IGDCC4: variants seen among roughly 807,000 people sequenced by gnomAD.
The protein encoded by IGDCC4 is likely ortholog of mouse neighbor of Punc E11.
A neutral mutation model predicts 116.6 loss-of-function variants in IGDCC4; 72 were observed. That is an observed-to-expected ratio of 0.62 (90% CI 0.51 to 0.75). The LOEUF (loss-of-function observed/expected upper bound fraction) is 0.75. Ranked by LOEUF, IGDCC4 falls within the 30% of genes least tolerant of loss-of-function variation. The pLI, the probability that IGDCC4 is intolerant of heterozygous loss-of-function variation, is 0.00. For synonymous variants in IGDCC4, 709 were observed against 719.9 expected (o/e 0.98, Z 0.24); for missense variants, 1,501 against 1,662.4 (o/e 0.90, Z 1.69).
intron 1 of IGDCC4, among the ~76,000 whole-genome samples, chr15:65,420,217 G>A (rs2063178095): frequency 1.3e-5 from 2 of 152,314 alleles, no homozygotes; most frequent in South Asian, 2.1e-4. Flanking sequence ...AAAGTGCTGG[G>A]ATTACAGGCG....
At chr15:65,391,185 A>G (rs2091510836) in intron 12 of IGDCC4, among the ~76,000 whole-genome samples, 1 of 152,178 alleles carries the variant, frequency 6.6e-6, no homozygotes, top group Non-Finnish European at 1.5e-5. Flanking sequence ...AGCTGAGATC[A>G]TACCATTGCA....
intron 9 of IGDCC4, 62 bp downstream of exon 9, chr15:65,394,349 C>T: frequency 6.2e-7 from 1 of 1,605,068 alleles, no homozygotes; most frequent in Non-Finnish European, 8.5e-7. Flanking sequence ...CTCCAGCAGC[C>T]CTGACAGCTC....
At chr15:65,399,073 A>G (rs151136242) in intron 5 of IGDCC4, among the ~76,000 whole-genome samples, 24 of 152,212 alleles carry the variant, frequency 1.6e-4, no homozygotes, top group African/African-American at 5.8e-4. Context: ...TGTGCACACG[A>G]ATCACAGATT....
chr15:65,405,713 G>C (rs2063035001), intron 3 of IGDCC4, among the ~76,000 whole-genome samples: 1 of 152,226 alleles, frequency 6.6e-6, no homozygotes, highest in African/African-American at 2.4e-5. Context: ...GCTGTGTTCA[G>C]TCAGTAGGTG....
At chr15:65,397,157 T>C (rs1047554408) in intron 5 of IGDCC4, among the ~76,000 whole-genome samples, 168 bp from the exon 6 acceptor site, 1 of 152,166 alleles carries the variant, frequency 6.6e-6, no homozygotes, top group African/African-American at 2.4e-5. Context: ...GCTGTCTCCA[T>C]CTGTAAGGGG....
At position 65,396,879 on chromosome 15, in the gene IGDCC4, G is replaced by A. The variant is rs757274284; in HGVS notation, c.952C>T (p.Arg318Cys). 6.3e-7 allele frequency: 1 copy of A among 1,576,006 alleles called. No homozygotes were observed. The highest frequency in any genetic ancestry group is 8.6e-7 in the Non-Finnish European group (1 of 1,161,016). Residue 318 changes from arginine (R) to cysteine (C), a missense_variant, in exon 6 of 20, where the codon CGC becomes TGC. Physicochemically the swap from Arg to Cys is radical, Grantham distance 180. Coordinates refer to ENST00000352385, the MANE Select transcript of IGDCC4 (RefSeq NM_020962.3). ...GVYVCRANKP[R>C]TRDFATAAAE... The stretch of plus-strand genomic sequence containing the variant: ...GCTGCAGTGGCGAAGTCGCGCGTGC[G>A]GGGCTTGTTGGCGCGGCAGACATAG...
In IGDCC4 at chr15:65,384,062, G is replaced by C. The variant is rs778980312; in HGVS notation, c.3700C>G (p.Pro1234Ala). 6.2e-7 allele frequency: 1 copy of C among 1,613,252 alleles called. No homozygotes were observed. Among genetic ancestry groups the C allele is most frequent in the South Asian group, 1.1e-5 (1 of 90,950 alleles). Residue 1234 changes from proline to alanine, a missense_variant, in exon 20 of 20, where the codon CCT becomes GCT. Pro to Ala is a conservative substitution (Grantham distance 27). Coordinates refer to ENST00000352385, the MANE Select transcript of IGDCC4 (RefSeq NM_020962.3). The surrounding 1 kb of genome is among the most constrained non-coding windows in gnomAD (Gnocchi z 4.9). Reference sequence around the variant, plus strand: ...GGCAGGCCTGGGCTGGCTCCTAGAGGGCAGGGGGATTTGAGCTGGCAGCTA... The same window carrying C: ...GGCAGGCCTGGGCTGGCTCCTAGAGCGCAGGGGGATTTGAGCTGGCAGCTA... The part of the protein sequence containing the change: ...GDSCQLKSPC[P>A]LGASPGLPRS...
chr15:65,400,564 AAGTGGC>A (rs1463969745), intron 5 of IGDCC4, among the ~76,000 whole-genome samples: 1 of 152,204 alleles, frequency 6.6e-6, no homozygotes, highest in Non-Finnish European at 1.5e-5. Context: ...ACCGTTCTGT[AAGTGGC>A]AGCTTGGAAG....
rs1210496142 is a variant in IGDCC4 at position 65,393,593 on chromosome 15, C to A, written c.1715-62G>T. On this transcript the variant is annotated intron_variant, in intron 9 of 19. Coordinates refer to ENST00000352385, the MANE Select transcript of IGDCC4 (RefSeq NM_020962.3). The surrounding 1 kb of genome is among the most constrained non-coding windows in gnomAD (Gnocchi z 4.6). ...CCTGAGGAACAGGATCCTAAACCCC[C>A]CTACATGGCTCTTCCGCCTCACATC... 6.7e-7 allele frequency: 1 copy of A among 1,497,194 alleles called. No individual in the cohort carries two copies. The highest frequency in any genetic ancestry group is 2.0e-5 in the Admixed American group (1 of 50,766). The allele number at this position is 1,497,194 out of a possible 1,614,324, so 92.7% of individuals were successfully genotyped here.
intron 3 of IGDCC4, among the ~76,000 whole-genome samples, chr15:65,407,027 C>T (rs2063046807): frequency 6.6e-6 from 1 of 151,954 alleles, no homozygotes; most frequent in Admixed American, 6.6e-5. Flanking sequence ...TTCTTCAGAC[C>T]TCACAGGTTC....
At chr15:65,421,294 C>T (rs199833040) in intron 1 of IGDCC4, among the ~76,000 whole-genome samples, 6 of 152,302 alleles carry the variant, frequency 3.9e-5, no homozygotes, top group Admixed American at 3.9e-4. Flanking sequence ...GAGCTCGTTC[C>T]AGGAGCCCTA....
intron 1 of IGDCC4, among the ~76,000 whole-genome samples, chr15:65,422,519 A>AACACACACACACACACACACAC (rs140587709): frequency 2.3e-5 from 3 of 131,226 alleles, no homozygotes; most frequent in South Asian, 2.7e-4. Context: ...GAGCACTCCC[A>AACACACACACACACACACACAC]ACACACACAC....
chr15:65,401,065 C>T, intron 4 of IGDCC4, 119 bp from the exon 5 acceptor site: 2 of 1,288,742 alleles, frequency 1.6e-6, no homozygotes, highest in Non-Finnish European at 2.2e-6. Flanking sequence ...ATGATTCCAT[C>T]TGTCAGATGG....
chr15:65,397,832 G>T, intron 5 of IGDCC4, among the ~76,000 whole-genome samples: 1 of 152,242 alleles, frequency 6.6e-6, no homozygotes, highest in East Asian at 1.9e-4. Context: ...GTCCTAGGAA[G>T]ATGATCAGAA....
chr15:65,385,778 C>T, intron 18 of IGDCC4, 53 bp downstream of exon 18: 1 of 1,424,224 alleles, frequency 7.0e-7, no homozygotes, highest in Non-Finnish European at 9.9e-7. Context: ...TGTGCTCTGT[C>T]GCCCCCTGGT....
chr15:65,411,073 G>C lies in IGDCC4; in HGVS notation c.368C>G (p.Ala123Gly), dbSNP rs202180600. The change falls in exon 2 of 20, where the codon GCC becomes GGC. Residue 123 changes from alanine to glycine, a missense_variant. By Grantham distance (60) the Ala-to-Gly change is moderately conservative. Around this residue, in one of 3 missense-constraint regions of IGDCC4, gnomAD observed 898 missense variants for 978.9 expected, o/e 0.92. Coordinates refer to ENST00000352385, the MANE Select transcript of IGDCC4 (RefSeq NM_020962.3). Reference sequence around the variant, plus strand: ...GGCCAGCACTCCGAGGGGGCCGTGGGCTAGGCACGAATAGTTGCCTTCAAT... The same window carrying C: ...GGCCAGCACTCCGAGGGGGCCGTGGCCTAGGCACGAATAGTTGCCTTCAAT... ...GVIEGNYSCL[A>G]HGPLGVLASQ... 6.2e-7 allele frequency: 1 copy of C among 1,614,144 alleles called. No homozygotes were observed. The highest frequency in any genetic ancestry group is 8.5e-7 in the Non-Finnish European group (1 of 1,180,018).
rs548023375 is a variant in IGDCC4, at chr15:65,408,991, A to G, written c.563+1187T>C. On this transcript the variant is annotated intron_variant, in intron 3 of 19. Transcript: ENST00000352385. ...GGGACCACAGGCACCACACTGCCAC[A>G]CTGGGCTAATTTTTGTATTGTTTTA... Among the ~76,000 whole-genome samples, 9 of 151,848 alleles carry G rather than the reference A, an allele frequency of 5.9e-5. No homozygotes were observed. In the East Asian group the frequency reaches 1.8e-3, roughly 30 times the overall value.
intron 1 of IGDCC4, among the ~76,000 whole-genome samples, chr15:65,416,746 T>C (rs1410829180): frequency 6.6e-6 from 1 of 152,060 alleles, no homozygotes; most frequent in Non-Finnish European, 1.5e-5. Context: ...CTCCTCAATC[T>C]CCTCAGTGAG....
chr15:65,396,823 G>T lies in IGDCC4; in HGVS notation c.997+11C>A. 3 of 1,558,296 alleles carry T rather than the reference G, an allele frequency of 1.9e-6. No individual in the cohort carries two copies. The highest frequency in any genetic ancestry group is 2.6e-6 in the Non-Finnish European group (3 of 1,151,072). On this transcript the variant is annotated intron_variant, in intron 6 of 19. Coordinates refer to ENST00000352385, the MANE Select transcript of IGDCC4 (RefSeq NM_020962.3). ...GCTAACCCGCTCCCTCCGCCCTTCG[G>T]CCCGCCTCACCCAGCACACGGAGCT...
Sources: allele counts gnomAD v4.1 joint callset (sites outside exome capture counted in the v4.1 genomes callset), GRCh38; gene constraint gnomAD v4.1.1; regional missense constraint gnomAD v4.1.1; non-coding constraint Gnocchi (gnomAD v3.1); transcripts MANE v1.5; gene names NCBI Gene and HGNC (gene_info 2026-07-23, HGNC 2026-07-21).